Variants in ELP4 observed in about 807,000 individuals in gnomAD.
ELP4 encodes elongator acetyltransferase complex subunit 4.
A neutral mutation model predicts 48.9 loss-of-function variants in ELP4; 51 were observed. The observed-to-expected ratio is 1.04, with a 90% CI of 0.83 to 1.32. The LOEUF is 1.32. Among genes scored for constraint, ELP4 ranks in the 40% most tolerant of loss-of-function variants. The pLI is 0.00. For missense variants in ELP4, 519 were observed against 514.6 expected, an observed-to-expected ratio of 1.01 and a Z score of -0.08; for synonymous variants, 210 against 189.2, an observed-to-expected ratio of 1.11 and a Z score of -0.90.
At chr11:31,730,749 G>A (rs1045987504) in intron 9 of ELP4, among the ~76,000 whole-genome samples, 1 of 152,134 alleles carries the variant, frequency 6.6e-6, no homozygotes, top group East Asian at 1.9e-4. Context: ...ATCTCAAGGG[G>A]AAAGAGAAGA....
chr11:31,748,624 T>C (rs1472600279), intron 9 of ELP4, among the ~76,000 whole-genome samples: 1 of 152,200 alleles, frequency 6.6e-6, no homozygotes, highest in East Asian at 1.9e-4. Context: ...TATTGGTGTC[T>C]TTTTCCCCCA....
chr11:31,722,373 T>C (rs972456528), intron 9 of ELP4, among the ~76,000 whole-genome samples: 3 of 152,220 alleles, frequency 2.0e-5, no homozygotes, highest in African/African-American at 4.8e-5. Flanking sequence ...TGAGCTAGTA[T>C]GAGTTTTTTA....
At chr11:31,726,747 G>A (rs539563857) in intron 9 of ELP4, among the ~76,000 whole-genome samples, 26 of 152,230 alleles carry the variant, frequency 1.7e-4, no homozygotes, top group African/African-American at 4.8e-4. Context: ...TTATAGAACC[G>A]TCTTTTATGT....
At chr11:31,550,181 A>G (rs971081400) in intron 3 of ELP4, among the ~76,000 whole-genome samples, 1 of 152,170 alleles carries the variant, frequency 6.6e-6, no homozygotes, top group Non-Finnish European at 1.5e-5. Flanking sequence ...GGATCTAAAC[A>G]AAGATATCAG....
chr11:31,616,983 G>T (rs567995880), intron 5 of ELP4, among the ~76,000 whole-genome samples: 1 of 152,038 alleles, frequency 6.6e-6, no homozygotes, highest in South Asian at 2.1e-4. Flanking sequence ...GCACTATTTG[G>T]GTTGTAAAAT....
chr11:31,778,029 G>A (rs191395515), intron 9 of ELP4, among the ~76,000 whole-genome samples: 23 of 152,250 alleles, frequency 1.5e-4, no homozygotes, highest in Admixed American at 4.6e-4. Context: ...CCTTTTGAGC[G>A]TTTGTTTCCT....
At chr11:31,543,451 C>T (rs1166964824) in intron 3 of ELP4, among the ~76,000 whole-genome samples, 1 of 152,034 alleles carries the variant, frequency 6.6e-6, no homozygotes, top group East Asian at 1.9e-4. Context: ...TCCCAAGTAG[C>T]GGGGACTACA....
chr11:31,620,585 G>A (rs1483721043), intron 5 of ELP4, among the ~76,000 whole-genome samples: 1 of 151,992 alleles, frequency 6.6e-6, no homozygotes, highest in East Asian at 1.9e-4. Context: ...TCAAAATACT[G>A]AAAGGCCAGA....
At chr11:31,599,209 CATT>C (rs1166102502) in intron 4 of ELP4, 1 of 152,058 alleles carries the variant, frequency 6.6e-6, no homozygotes, top group Non-Finnish European at 1.5e-5. Flanking sequence ...AGCTAAGACA[CATT>C]AATCAATACA....
intron 9 of ELP4, among the ~76,000 whole-genome samples, chr11:31,691,421 C>T (rs1486029463): frequency 6.6e-6 from 1 of 152,076 alleles, no homozygotes; most frequent in Non-Finnish European, 1.5e-5. Context: ...GTATCAGTTT[C>T]ACAAATTATG....
intron 3 of ELP4, among the ~76,000 whole-genome samples, chr11:31,541,187 TA>T (rs1158845151): frequency 6.6e-6 from 1 of 152,320 alleles, no homozygotes; most frequent in Non-Finnish European, 1.5e-5. Context: ...TGCCTTAGTA[TA>T]AAAGTCACTA....
intron 9 of ELP4, among the ~76,000 whole-genome samples, chr11:31,755,509 A>G (rs953753290): frequency 2.6e-5 from 4 of 152,226 alleles, no homozygotes; most frequent in African/African-American, 7.2e-5. Flanking sequence ...GCTGAGAAGC[A>G]GACATTATTT....
intron 9 of ELP4, chr11:31,682,028 A>G: frequency 7.8e-7 from 1 of 1,290,174 alleles, no homozygotes. Context: ...GGCATGAGCT[A>G]CCGCGCCCGG....
chr11:31,617,445 T>A (rs777266164), intron 5 of ELP4, among the ~76,000 whole-genome samples: 21 of 151,860 alleles, frequency 1.4e-4, no homozygotes, highest in Non-Finnish European at 2.4e-4. Flanking sequence ...GAGGAGTTGT[T>A]GTTTCTTGTT....
rs368403055 is a variant in ELP4, at chr11:31,623,435, A to C, written c.654-3675A>C. Among the ~76,000 whole-genome samples the C allele has an allele frequency of 2.5e-4, 36 of 142,682 alleles. 1 individual carries two copies. The South Asian group carries it at 4.0e-3, about 16-fold the overall frequency. 93.6% of individuals were successfully genotyped at this position (142,682 alleles called of 152,430 possible). A position where few individuals can be genotyped will look rare whatever the true frequency, so the allele number is the denominator to read the frequency against. Reference sequence around the variant, plus strand: ...GCAAAGAAACATGGAGATTAACAGTACTTAGTATTTTATTATCAATATCAT... The same window carrying C: ...GCAAAGAAACATGGAGATTAACAGTCCTTAGTATTTTATTATCAATATCAT... On this transcript the variant is annotated intron_variant, in intron 5 of 9. Transcript: ENST00000640961.
chr11:31,765,569 T>A (rs1279113362), intron 9 of ELP4, among the ~76,000 whole-genome samples: 1 of 152,176 alleles, frequency 6.6e-6, no homozygotes, highest in Admixed American at 6.5e-5. Flanking sequence ...ATAAGTAGCA[T>A]CTTTATCAAA....
chr11:31,656,284 T>G (rs1945431106), intron 9 of ELP4, among the ~76,000 whole-genome samples: 1 of 152,014 alleles, frequency 6.6e-6, no homozygotes, highest in Admixed American at 6.6e-5. Context: ...TTGCTGACTT[T>G]CCCTTAGGCA....
At chr11:31,736,177 C>G (rs1237358708) in intron 9 of ELP4, among the ~76,000 whole-genome samples, 1 of 152,146 alleles carries the variant, frequency 6.6e-6, no homozygotes, top group Non-Finnish European at 1.5e-5. Flanking sequence ...AGCCGCATAT[C>G]TACAACTATC....
chr11:31,577,081 A>T (rs1323213995), intron 3 of ELP4, among the ~76,000 whole-genome samples: 2 of 152,186 alleles, frequency 1.3e-5, no homozygotes, highest in Non-Finnish European at 2.9e-5. Flanking sequence ...TCAAATAGAC[A>T]CAATAAAAAG....
Sources: gnomAD v4.1 joint callset for allele counts (sites outside exome capture counted in the v4.1 genomes callset) on GRCh38, gnomAD v4.1.1 for gene constraint, MANE v1.5 for transcripts, NCBI Gene and HGNC (gene_info 2026-07-23, HGNC 2026-07-21) for gene names.